The following WWOX variants were observed in gnomAD, a reference collection of about 807,000 sequenced individuals.
The protein encoded by WWOX is WW domain containing oxidoreductase.
WWOX carries 69 observed loss-of-function variants against 46.2 expected under a neutral mutation model. The ratio of observed to expected loss-of-function variants is 1.49; its 90% CI spans 1.23 to 1.82. WWOX has a LOEUF of 1.82. WWOX is among the 40% of genes most tolerant of loss of function. The pLI, the probability that WWOX is intolerant of heterozygous loss-of-function variation, is 0.00. For synonymous variants in WWOX, 359 were observed against 202.6 expected (o/e 1.77, Z -6.56); for missense variants, 919 against 542.6 (o/e 1.69, Z -6.89).
chr16:78,852,031 C>G (rs1323919413), intron 8 of WWOX, among the ~76,000 whole-genome samples: 1 of 152,210 alleles, frequency 6.6e-6, no homozygotes, highest in Non-Finnish European at 1.5e-5. Context: ...GCCCCACAAT[C>G]AAGAGTGACT....
chr16:78,849,953 T>C (rs775590505), intron 8 of WWOX, among the ~76,000 whole-genome samples: 8 of 152,014 alleles, frequency 5.3e-5, no homozygotes, highest in African/African-American at 9.7e-5. Flanking sequence ...AGGCCTGTAA[T>C]CCCAGCTACT....
chr16:78,877,661 C>T (rs889147958), intron 8 of WWOX, among the ~76,000 whole-genome samples: 1 of 152,182 alleles, frequency 6.6e-6, no homozygotes, highest in Non-Finnish European at 1.5e-5. Context: ...GTTTATTCTC[C>T]TATTCTCTAG....
chr16:78,229,783 T>C (rs1029688587), intron 5 of WWOX, among the ~76,000 whole-genome samples: 4 of 152,146 alleles, frequency 2.6e-5, no homozygotes, highest in Non-Finnish European at 4.4e-5. Context: ...GAGTACCTCC[T>C]TTTCTTTCTG....
intron 8 of WWOX, among the ~76,000 whole-genome samples, chr16:78,829,548 C>T (rs79362964): frequency 3.0e-4 from 46 of 152,202 alleles, no homozygotes; most frequent in African/African-American, 1.1e-3. Context: ...CAAGTTGACA[C>T]CTACAATTTT....
intron 8 of WWOX, among the ~76,000 whole-genome samples, chr16:78,842,328 T>TAAAAAAA (rs34346754): frequency 8.5e-6 from 1 of 118,250 alleles, no homozygotes. Context: ...ACCCCATCTC[T>TAAAAAAA]AAAAAAAAAA....
intron 8 of WWOX, among the ~76,000 whole-genome samples, chr16:78,880,362 T>C (rs944441082): frequency 6.6e-6 from 1 of 152,244 alleles, no homozygotes; most frequent in African/African-American, 2.4e-5. Flanking sequence ...TAGCATCCTG[T>C]TTTCTTTCGT....
intron 8 of WWOX, among the ~76,000 whole-genome samples, chr16:78,811,369 C>T (rs373217872): frequency 7.1e-4 from 108 of 152,062 alleles, no homozygotes; most frequent in Non-Finnish European, 1.3e-3. Context: ...CACTAGAATT[C>T]CTTTGAGAAG....
chr16:78,460,758 A>G (rs1194196861), intron 8 of WWOX, among the ~76,000 whole-genome samples: 5 of 152,232 alleles, frequency 3.3e-5, no homozygotes, highest in Non-Finnish European at 7.3e-5. Context: ...TGGGATCCAC[A>G]AGATGGAGTG....
intron 8 of WWOX, among the ~76,000 whole-genome samples, chr16:79,164,734 G>T (rs942587289): frequency 1.3e-5 from 2 of 152,080 alleles, no homozygotes; most frequent in Non-Finnish European, 2.9e-5. Context: ...TATTCCACTC[G>T]CATGTGGTGG....
chr16:78,767,106 C>G (rs987952335), intron 8 of WWOX, among the ~76,000 whole-genome samples: 1 of 137,586 alleles, frequency 7.3e-6, no homozygotes, highest in Non-Finnish European at 1.6e-5. Flanking sequence ...TCCTCCCTTC[C>G]TTCCTTCCTT....
chr16:78,421,322 C>A (rs2082924581), intron 6 of WWOX, among the ~76,000 whole-genome samples: 4 of 152,118 alleles, frequency 2.6e-5, no homozygotes, highest in Admixed American at 2.6e-4. Context: ...CCCATGACTG[C>A]CAGCCACCCT....
intron 8 of WWOX, among the ~76,000 whole-genome samples, chr16:78,920,843 C>T (rs540697432): frequency 1.3e-5 from 2 of 152,236 alleles, no homozygotes; most frequent in East Asian, 3.9e-4. Context: ...TGAGGAAGGC[C>T]AGGGACTTGT....
chr16:78,375,114 A>G (rs562842549), intron 5 of WWOX, among the ~76,000 whole-genome samples: 1 of 152,320 alleles, frequency 6.6e-6, no homozygotes, highest in Non-Finnish European at 1.5e-5. Context: ...TATCTATTAA[A>G]CATCCTCCTT....
chr16:79,190,549 A>C (rs887921521), intron 8 of WWOX, among the ~76,000 whole-genome samples: 1 of 152,138 alleles, frequency 6.6e-6, no homozygotes, highest in East Asian at 1.9e-4. Context: ...CACGTTTCCA[A>C]CTTGGATTAA....
intron 8 of WWOX, among the ~76,000 whole-genome samples, chr16:79,020,255 A>G (rs140778384): frequency 6.6e-6 from 1 of 152,228 alleles, no homozygotes; most frequent in Non-Finnish European, 1.5e-5. Context: ...GCAGTGCTGG[A>G]TGGAGAGGAC....
At chr16:78,826,198 T>C (rs1242774509) in intron 8 of WWOX, among the ~76,000 whole-genome samples, 1 of 152,092 alleles carries the variant, frequency 6.6e-6, no homozygotes, top group Non-Finnish European at 1.5e-5. Context: ...CTACTAAAAA[T>C]ACAAAGATTA....
At chr16:78,445,344 A>C (rs1038463202) in intron 8 of WWOX, among the ~76,000 whole-genome samples, 1 of 152,192 alleles carries the variant, frequency 6.6e-6, no homozygotes, top group Non-Finnish European at 1.5e-5. Context: ...AAATCATGTC[A>C]CAAGATCTTG....
At chr16:78,602,459 C>G (rs541045637) in intron 8 of WWOX, among the ~76,000 whole-genome samples, 1 of 152,278 alleles carries the variant, frequency 6.6e-6, no homozygotes, top group Admixed American at 6.5e-5. Context: ...ATCTCGAACT[C>G]CTGCCCTTGT....
intron 8 of WWOX, among the ~76,000 whole-genome samples, chr16:78,477,121 A>G (rs2084370228): frequency 6.6e-6 from 1 of 152,240 alleles, no homozygotes; most frequent in Admixed American, 6.5e-5. Flanking sequence ...CTAAGCATAG[A>G]TATTCCATAG....
Sources: gnomAD v4.1 joint callset for allele counts (sites outside exome capture counted in the v4.1 genomes callset) on GRCh38, gnomAD v4.1.1 for gene constraint, MANE v1.5 for transcripts, NCBI Gene and HGNC (gene_info 2026-07-23, HGNC 2026-07-21) for gene names.